DNMT3A: variants seen among roughly 807,000 people sequenced by gnomAD.
The protein encoded by DNMT3A is DNA methyltransferase 3 alpha, also known as DNA (cytosine-5)-methyltransferase 3A.
In DNMT3A, 267 loss-of-function variants were observed where a neutral mutation model predicts 117.6. The observed-to-expected ratio is 2.27, with a 90% CI of 2.05 to 2.51. The LOEUF is 2.51. Among genes scored for constraint, DNMT3A ranks in the 30% most tolerant of loss-of-function variants. DNMT3A has a pLI of 0.00. For synonymous variants in DNMT3A, 432 were observed against 474.8 expected, an observed-to-expected ratio of 0.91 and a Z score of 1.17; for missense variants, 1,029 against 1,260.2, an observed-to-expected ratio of 0.82 and a Z score of 2.78.
In DNMT3A at chr2:25,240,422, GA is replaced by G; in HGVS notation, c.2201del (p.Phe734SerfsTer45). ...GCCGCGCATCATGCAGGAGGCGGTA[GA>G]ACTCAAAGAAGAGCCGGCCAGTGCC... is the stretch of plus-strand genomic sequence containing the variant. The part of the protein sequence containing the change: ...YEGTGRLFFE[F>X]YRLLHDARPK... On this transcript the variant is annotated frameshift_variant, in exon 19 of 23. Transcript: ENST00000321117. LOFTEE classifies it high-confidence loss of function. 6.2e-7 allele frequency: 1 copy of G among 1,612,108 alleles called. No individual in the cohort carries two copies. The highest frequency in any genetic ancestry group is 8.5e-7 in the Non-Finnish European group (1 of 1,179,092).
intron 22 of DNMT3A, 143 bp downstream of exon 22, chr2:25,235,564 A>G: frequency 1.5e-6 from 1 of 665,520 alleles, no homozygotes; most frequent in Non-Finnish European, 2.6e-6. Context: ...GGAGTCTGCC[A>G]TGTTGGGAAA....
chr2:25,329,259 G>C (rs920175095), intron 1 of DNMT3A, among the ~76,000 whole-genome samples: 5 of 152,168 alleles, frequency 3.3e-5, no homozygotes, highest in Non-Finnish European at 7.3e-5. Context: ...CTCAAACCCT[G>C]GCTCTGTCAC....
intron 3 of DNMT3A, among the ~76,000 whole-genome samples, chr2:25,287,213 G>A (rs1392585403): frequency 1.3e-5 from 2 of 151,986 alleles, no homozygotes; most frequent in Non-Finnish European, 2.9e-5. Context: ...GGCTGGGTTG[G>A]GGGTGCCGAC....
intron 18 of DNMT3A, 56 bp from the exon 19 acceptor site, chr2:25,240,506 G>A (rs2149272909): frequency 6.3e-7 from 1 of 1,580,200 alleles, no homozygotes; most frequent in Non-Finnish European, 8.6e-7. Flanking sequence ...GGACAGTGGT[G>A]TGGCTCGGGC....
chr2:25,241,177 G>A (rs1673984552), intron 17 of DNMT3A, among the ~76,000 whole-genome samples: 1 of 152,172 alleles, frequency 6.6e-6, no homozygotes, highest in Admixed American at 6.5e-5. Flanking sequence ...CAAAAGTATT[G>A]GGAGGACAGG....
Position 25,230,134 on chromosome 2 carries a change from A to C in DNMT3A, c.*4145T>G, listed in dbSNP as rs1672810684. 1 of 152,250 alleles carries C rather than the reference A, an allele frequency of 6.6e-6. No individual in the cohort carries two copies. The highest frequency in any genetic ancestry group is 1.5e-5 in the Non-Finnish European group (1 of 68,048). 9.4% of individuals were successfully genotyped at this position (152,250 alleles called of 1,614,324 possible). On this transcript the variant is annotated 3_prime_UTR_variant, in exon 23 of 23. Coordinates refer to ENST00000321117, the MANE Select transcript of DNMT3A (RefSeq NM_022552.5). ...TGCTCTCTTGGAAAGTTTGCTTTCC[A>C]ATAGGATGTTCAATAGCAAGAAGTC...
rs2033681783 is a variant in DNMT3A at position 25,304,487 on chromosome 2, C to T, written c.73-4244G>A. ...CGTGCAAATCCCAGCACGCCGCCCACCATATGCAGCGATCCCTCACTATCA... is the reference window on the plus strand; with the variant it reads ...CGTGCAAATCCCAGCACGCCGCCCATCATATGCAGCGATCCCTCACTATCA... On this transcript the variant is annotated intron_variant, in intron 2 of 22. Coordinates refer to ENST00000321117, the MANE Select transcript of DNMT3A (RefSeq NM_022552.5). The surrounding 1 kb of genome is among the most constrained non-coding windows in gnomAD (Gnocchi z 4.3). 6.6e-6 allele frequency among the ~76,000 whole-genome samples: 1 copy of T among 152,210 alleles called. No individual in the cohort carries two copies. Among genetic ancestry groups the T allele is most frequent in the African/African-American group, 2.4e-5 (1 of 41,448 alleles).
Position 25,246,230 on chromosome 2 carries a change from TGGTGG to T in DNMT3A, c.1354_1358del (p.Pro452SerfsTer19), listed in dbSNP as rs750217727. On this transcript the variant is annotated frameshift_variant, in exon 11 of 23. Coordinates refer to ENST00000321117, the MANE Select transcript of DNMT3A (RefSeq NM_022552.5). LOFTEE classifies it high-confidence loss of function. Reference sequence around the variant, plus strand: ...CTGTGCTCTTCCGGGGCTTTTTGGCTGGTGGAGGTGGTGCGTAGGCAGCTGCCTCA... The same window carrying T: ...CTGTGCTCTTCCGGGGCTTTTTGGCTAGGTGGTGCGTAGGCAGCTGCCTCA... 6.2e-7 allele frequency: 1 copy of T among 1,614,176 alleles called. No homozygotes were observed.
chr2:25,252,832 CACAG>C lies in DNMT3A; in HGVS notation c.640-4584_640-4581del, dbSNP rs1180559326. ...CAGGAAGCTGTAGGAAAACTCAGCA[CACAG>C]ACGGAGAGTGACAGCAGGCGCGCGC... On this transcript the variant is annotated intron_variant, in intron 6 of 22. Coordinates refer to ENST00000321117, the MANE Select transcript of DNMT3A (RefSeq NM_022552.5). The surrounding 1 kb of genome is among the most constrained non-coding windows in gnomAD (Gnocchi z 5.5). 6.6e-6 allele frequency among the ~76,000 whole-genome samples: 1 copy of C among 151,896 alleles called. No homozygotes were observed. The highest frequency in any genetic ancestry group is 2.4e-5 in the African/African-American group (1 of 41,342).
chr2:25,256,873 C>T (rs1676181960), intron 6 of DNMT3A, among the ~76,000 whole-genome samples: 2 of 152,190 alleles, frequency 1.3e-5, no homozygotes, highest in East Asian at 3.8e-4. Context: ...GGGACTGGAC[C>T]TCATTCACCT....
intron 2 of DNMT3A, among the ~76,000 whole-genome samples, chr2:25,301,147 TAGTCTCAGCTACTAGGGAAGCTG>T (rs1304333848): frequency 6.6e-6 from 1 of 151,692 alleles, no homozygotes; most frequent in African/African-American, 2.4e-5. Flanking sequence ...CACGCGCCTG[TAGTCTCAGCTACTAGGGAAGCTG>T]AGGCAGGAGA....
At chr2:25,319,682 T>C (rs945708728) in intron 1 of DNMT3A, among the ~76,000 whole-genome samples, 3 of 151,898 alleles carry the variant, frequency 2.0e-5, no homozygotes, top group South Asian at 2.1e-4. Context: ...GCTGTCGAAC[T>C]GTCTTTTTAC....
At chr2:25,268,300 C>G (rs117653576) in intron 6 of DNMT3A, among the ~76,000 whole-genome samples, 1 of 152,162 alleles carries the variant, frequency 6.6e-6, no homozygotes, top group African/African-American at 2.4e-5. Flanking sequence ...GCTGCCTAGA[C>G]GGAATTTAGA....
intron 1 of DNMT3A, among the ~76,000 whole-genome samples, chr2:25,332,068 G>C (rs2035033264): frequency 6.6e-6 from 1 of 152,150 alleles, no homozygotes; most frequent in Non-Finnish European, 1.5e-5. Flanking sequence ...CCACATTGCT[G>C]CCCCGGACTT....
chr2:25,340,345 A>C (rs2035367975), intron 1 of DNMT3A, among the ~76,000 whole-genome samples: 1 of 151,658 alleles, frequency 6.6e-6, no homozygotes, highest in East Asian at 2.0e-4. Flanking sequence ...GGATGAGGAG[A>C]GGGGGAGAAA....
chr2:25,244,778 G>A (rs1674541113), intron 13 of DNMT3A, 126 bp from the exon 14 acceptor site: 1 of 754,874 alleles, frequency 1.3e-6, no homozygotes, highest in Non-Finnish European at 2.2e-6. Flanking sequence ...CACCACCTTA[G>A]CCAGGGTCAG....
At chr2:25,332,882 G>A (rs575339738) in intron 1 of DNMT3A, among the ~76,000 whole-genome samples, 2 of 152,366 alleles carry the variant, frequency 1.3e-5, no homozygotes, top group South Asian at 4.1e-4. Flanking sequence ...GCCAGGCCGG[G>A]CTGTGGTCTA....
intron 6 of DNMT3A, among the ~76,000 whole-genome samples, chr2:25,272,991 T>TTTTTTTTA (rs1553421119): frequency 3.4e-5 from 5 of 147,860 alleles, no homozygotes; most frequent in Non-Finnish European, 6.0e-5. Context: ...TTTTTTTTTT[T>TTTTTTTTA]GAGACAGAGT....
At position 25,236,914 on chromosome 2, in the gene DNMT3A, G is replaced by A; in HGVS notation, c.2478+22C>T. The A allele has an allele frequency of 6.2e-7, 1 of 1,607,048 alleles. No homozygotes were observed. Among genetic ancestry groups the A allele is most frequent in the Non-Finnish European group, 8.5e-7 (1 of 1,177,058 alleles). ...TTCCTTCTCCCTGCCCCCCAGCAGA[G>A]GTTCTAGACGCTGGAGCTGACCTTG... On this transcript the variant is annotated intron_variant, in intron 21 of 22. Transcript: ENST00000321117. The surrounding 1 kb of genome is among the most constrained non-coding windows in gnomAD (Gnocchi z 4.5).
Sources: allele counts gnomAD v4.1 joint callset (sites outside exome capture counted in the v4.1 genomes callset), GRCh38; gene constraint gnomAD v4.1.1; non-coding constraint Gnocchi (gnomAD v3.1); transcripts MANE v1.5; gene names NCBI Gene and HGNC (gene_info 2026-07-23, HGNC 2026-07-21).